Variants in CBL observed in about 807,000 individuals in gnomAD.
CBL encodes the protein E3 ubiquitin-protein ligase CBL.
Under a neutral mutation model 96.9 loss-of-function variants are expected in CBL, and 45 were observed. That is an observed-to-expected ratio of 0.46 (90% CI 0.37 to 0.60). The LOEUF is 0.60. CBL is among the 20% of genes least tolerant of loss of function. CBL has a pLI of 0.00. For synonymous variants in CBL, 420 were observed against 426.8 expected, an observed-to-expected ratio of 0.98 and a Z score of 0.20; for missense variants, 1,024 against 1,143.5, an observed-to-expected ratio of 0.90 and a Z score of 1.51.
chr11:119,270,860 G>A (rs978577506), intron 2 of CBL, among the ~76,000 whole-genome samples: 1 of 152,160 alleles, frequency 6.6e-6, no homozygotes, highest in Non-Finnish European at 1.5e-5. Flanking sequence ...GATTACAGGC[G>A]TGAGGCACCA....
Position 119,283,758 on chromosome 11 carries a change from C to T in CBL, c.1432-1211C>T, listed in dbSNP as rs186764724. Among the ~76,000 whole-genome samples, 3 of 148,978 alleles carry T rather than the reference C, an allele frequency of 2.0e-5. No homozygotes were observed. In the East Asian group the frequency reaches 6.1e-4, roughly 30 times the overall value. On this transcript the variant is annotated intron_variant, in intron 9 of 15. Coordinates refer to ENST00000264033, the MANE Select transcript of CBL (RefSeq NM_005188.4). ...GTTCATGCCATTCTCCTGCCTCAGC[C>T]TCCTGAATAGCTGGGACTACAGGCG...
chr11:119,305,816 A>G lies in CBL; in HGVS notation c.*6035A>G, dbSNP rs879037816. 28 of 231,146 alleles carry G rather than the reference A, an allele frequency of 1.2e-4. No individual in the cohort carries two copies. Among genetic ancestry groups the G allele is most frequent in the South Asian group, 3.6e-4 (2 of 5,504 alleles). 14.3% of individuals were successfully genotyped at this position (231,146 alleles called of 1,614,324 possible). Reference sequence around the variant, plus strand: ...AATCTTTTGATCTTATATTTCTCTCATCTCAGAGCCTGTCCTGAGTTGTAA... The same window carrying G: ...AATCTTTTGATCTTATATTTCTCTCGTCTCAGAGCCTGTCCTGAGTTGTAA... On this transcript the variant is annotated 3_prime_UTR_variant, in exon 16 of 16. Coordinates refer to ENST00000264033, the MANE Select transcript of CBL (RefSeq NM_005188.4).
chr11:119,247,088 C>T (rs532501850), intron 2 of CBL, among the ~76,000 whole-genome samples: 1 of 152,272 alleles, frequency 6.6e-6, no homozygotes, highest in East Asian at 1.9e-4. Context: ...GCCAGTTTAT[C>T]ATCAGGTGAC....
intron 2 of CBL, among the ~76,000 whole-genome samples, chr11:119,266,583 G>T (rs993744673): frequency 6.6e-6 from 1 of 152,022 alleles, no homozygotes; most frequent in African/African-American, 2.4e-5. Flanking sequence ...GGCTTTGAAG[G>T]TAGGCCCTGA....
At chr11:119,291,086 A>G (rs140009959) in intron 12 of CBL, among the ~76,000 whole-genome samples, 168 of 152,284 alleles carry the variant, frequency 1.1e-3, no homozygotes, top group African/African-American at 3.7e-3. Flanking sequence ...GTCAGCCTTA[A>G]TGTTACTCCT....
chr11:119,221,912 A>T (rs1407295575), intron 1 of CBL, among the ~76,000 whole-genome samples: 3 of 152,212 alleles, frequency 2.0e-5, no homozygotes, highest in African/African-American at 7.2e-5. Context: ...CCGGAAGGGC[A>T]AATAACTTGC....
intron 12 of CBL, among the ~76,000 whole-genome samples, chr11:119,293,084 T>A (rs563948122): frequency 1.8e-4 from 27 of 151,020 alleles, no homozygotes; most frequent in African/African-American, 6.3e-4. Context: ...ATGTGATTTT[T>A]AAAAATGTAT....
intron 2 of CBL, among the ~76,000 whole-genome samples, chr11:119,262,187 C>CA (rs1949759976): frequency 6.6e-6 from 1 of 152,140 alleles, no homozygotes; most frequent in Non-Finnish European, 1.5e-5. Context: ...GAAAGACAGA[C>CA]AGACACACTG....
chr11:119,286,851 A>C (rs1949988077), intron 11 of CBL, among the ~76,000 whole-genome samples: 1 of 152,200 alleles, frequency 6.6e-6, no homozygotes. Context: ...TAATGGGAGG[A>C]AGATGGAATA....
At chr11:119,283,247 C>G (rs1236439165) in intron 9 of CBL, among the ~76,000 whole-genome samples, 1 of 152,232 alleles carries the variant, frequency 6.6e-6, no homozygotes, top group Non-Finnish European at 1.5e-5. Context: ...TGACTTTTGT[C>G]ATTGAGCTGT....
Position 119,300,139 on chromosome 11 carries a change from T to C in CBL, c.*358T>C. 1 of 531,810 alleles carries C rather than the reference T, an allele frequency of 1.9e-6. No individual in the cohort carries two copies. The highest frequency in any genetic ancestry group is 3.3e-6 in the Non-Finnish European group (1 of 300,600). 32.9% of individuals were successfully genotyped at this position (531,810 alleles called of 1,614,324 possible). A position where few individuals can be genotyped will look rare whatever the true frequency, so the allele number is the denominator to read the frequency against. On this transcript the variant is annotated 3_prime_UTR_variant, in exon 16 of 16. Coordinates refer to ENST00000264033, the MANE Select transcript of CBL (RefSeq NM_005188.4). ...CTTAAGACTTCCTGGGTTAAGGATG[T>C]GGCCGTGTGTGTGTGTGTCTGCCTG...
At chr11:119,289,500 TC>T (rs1303606377) in intron 12 of CBL, 7 of 152,106 alleles carry the variant, frequency 4.6e-5, no homozygotes, top group African/African-American at 1.7e-4. Context: ...ACATCACCTG[TC>T]TTTTAGTATT....
At chr11:119,222,911 G>A (rs1430999606) in intron 1 of CBL, among the ~76,000 whole-genome samples, 1 of 152,084 alleles carries the variant, frequency 6.6e-6, no homozygotes, top group African/African-American at 2.4e-5. Context: ...GGTGGCTCTT[G>A]CCTGTATATA....
rs1170501749 is a variant in CBL at position 119,206,442 on chromosome 11, T to C, written c.25T>C (p.Ser9Pro). The change falls in exon 1 of 16, where the codon TCT (serine) becomes CCT (proline). Residue 9 changes from serine (S) to proline (P), a missense_variant. Ser to Pro is a moderately conservative substitution (Grantham distance 74). Around this residue, in one of 4 missense-constraint regions of CBL, gnomAD observed 114 missense variants for 117.4 expected, o/e 0.97. Coordinates refer to ENST00000264033, the MANE Select transcript of CBL (RefSeq NM_005188.4). Reference protein sequence around the residue: MAGNVKKSSGAGGGSGSGG... With the variant: MAGNVKKSPGAGGGSGSGG... ...CATGGCCGGCAACGTGAAGAAGAGC[T>C]CTGGGGCCGGGGGCGGCAGCGGCTC... The C allele has an allele frequency of 2.5e-6, 4 of 1,577,976 alleles. No individual in the cohort carries two copies. The highest frequency in any genetic ancestry group is 1.1e-5 in the South Asian group (1 of 87,128).
intron 2 of CBL, among the ~76,000 whole-genome samples, chr11:119,269,539 C>CATG (rs1434802330): frequency 1.3e-5 from 2 of 151,972 alleles, no homozygotes; most frequent in Non-Finnish European, 2.9e-5. Flanking sequence ...TCGAACAAGT[C>CATG]ATGGATATAA....
Position 119,236,051 on chromosome 11 carries a change from G to C in CBL, c.443+3356G>C, listed in dbSNP as rs541691654. Among the ~76,000 whole-genome samples the C allele has an allele frequency of 5.9e-5, 9 of 152,054 alleles. No individual in the cohort carries two copies. In the East Asian group the frequency reaches 1.7e-3, roughly 29 times the overall value. On this transcript the variant is annotated intron_variant, in intron 2 of 15. Coordinates refer to ENST00000264033, the MANE Select transcript of CBL (RefSeq NM_005188.4). ...CTTAGAGGTTTTTTTTTCCTATTCA[G>C]TTTTTAAATTGAGATATAATTCACA... is the stretch of plus-strand genomic sequence containing the variant.
chr11:119,218,283 G>A (rs1949379555), intron 1 of CBL, among the ~76,000 whole-genome samples: 1 of 152,036 alleles, frequency 6.6e-6, no homozygotes, highest in South Asian at 2.1e-4. Context: ...GAGTCACTGG[G>A]GCTCATGAGG....
chr11:119,259,133 G>A (rs1949733329), intron 2 of CBL, among the ~76,000 whole-genome samples: 3 of 152,174 alleles, frequency 2.0e-5, no homozygotes, highest in Non-Finnish European at 4.4e-5. Context: ...CGTTGATTTC[G>A]TAACCTGAGA....
chr11:119,305,439 C>T lies in CBL; in HGVS notation c.*5658C>T, dbSNP rs1950128630. On this transcript the variant is annotated 3_prime_UTR_variant, in exon 16 of 16. Transcript: ENST00000264033. ...CACTATCCATGGACTTCTGGGTCCT[C>T]TTCAGGTTTGAGTGCTTGAAAATGT... 8.7e-6 allele frequency: 2 copies of T among 230,550 alleles called. No homozygotes were observed. The highest frequency in any genetic ancestry group is 1.7e-5 in the Non-Finnish European group (2 of 116,426). The allele number at this position is 230,550 out of a possible 1,614,324, so 14.3% of individuals were successfully genotyped here. A position where few individuals can be genotyped will look rare whatever the true frequency, so the allele number is the denominator to read the frequency against.
Sources: gnomAD v4.1 joint callset for allele counts (sites outside exome capture counted in the v4.1 genomes callset) on GRCh38, gnomAD v4.1.1 for gene constraint, gnomAD v4.1.1 regional missense constraint, MANE v1.5 for transcripts, NCBI Gene and HGNC (gene_info 2026-07-23, HGNC 2026-07-21) for gene names.